The following MAST2 variants were observed in gnomAD, a reference collection of about 807,000 sequenced individuals.
MAST2 encodes microtubule associated serine/threonine kinase 2.
Under a neutral mutation model 147.4 loss-of-function variants are expected in MAST2, and 70 were observed. That is an observed-to-expected ratio of 0.47 (90% confidence interval 0.39 to 0.58). The LOEUF (loss-of-function observed/expected upper bound fraction) is 0.58. Ranked by LOEUF, MAST2 falls within the 20% of genes least tolerant of loss-of-function variation. The pLI, the probability that MAST2 is intolerant of heterozygous loss-of-function variation, is 0.00. For synonymous variants in MAST2, 869 were observed against 896.8 expected, an observed-to-expected ratio of 0.97 and a Z score of 0.55; for missense variants, 2,080 against 2,302.3, an observed-to-expected ratio of 0.90 and a Z score of 1.98.
chr1:45,838,160 A>G (rs1645161567), intron 3 of MAST2, among the ~76,000 whole-genome samples: 1 of 150,626 alleles, frequency 6.6e-6, no homozygotes, highest in Non-Finnish European at 1.5e-5. Context: ...CATTTCTCTA[A>G]TGACTAATGA....
At chr1:45,863,481 T>A (rs1490607054) in intron 3 of MAST2, among the ~76,000 whole-genome samples, 2 of 152,236 alleles carry the variant, frequency 1.3e-5, no homozygotes, top group African/African-American at 4.8e-5. Context: ...CCACACTGGT[T>A]ATGCTAAGGA....
At chr1:45,885,064 A>G (rs1370041709) in intron 4 of MAST2, among the ~76,000 whole-genome samples, 1 of 152,186 alleles carries the variant, frequency 6.6e-6, no homozygotes, top group Admixed American at 6.5e-5. Context: ...AATTACTACA[A>G]AATTTGTTGT....
At position 46,004,706 on chromosome 1, in the gene MAST2, T is replaced by C. The variant is rs1471204297; in HGVS notation, c.748-1535T>C. ...ATGTGCACTGTTAGCAAAAAAGAAA[T>C]GCTGATTTCTCACTTGTTTATTGAG... On this transcript the variant is annotated intron_variant, in intron 7 of 28. Coordinates refer to ENST00000361297, the MANE Select transcript of MAST2 (RefSeq NM_015112.3). Among the ~76,000 whole-genome samples, 3 of 152,242 alleles carry C rather than the reference T, an allele frequency of 2.0e-5. No individual in the cohort carries two copies. The East Asian group carries it at 5.8e-4, about 29-fold the overall frequency.
chr1:46,023,478 T>C lies in MAST2; in HGVS notation c.1571+160T>C, dbSNP rs1571250254. 1.5e-6 allele frequency: 1 copy of C among 667,448 alleles called. No individual in the cohort carries two copies. The highest frequency in any genetic ancestry group is 2.6e-6 in the Non-Finnish European group (1 of 377,606). 41.3% of individuals were successfully genotyped at this position (667,448 alleles called of 1,614,324 possible). A position where few individuals can be genotyped will look rare whatever the true frequency, so the allele number is the denominator to read the frequency against. On this transcript the variant is annotated intron_variant, in intron 14 of 28. Transcript: ENST00000361297. The surrounding 1 kb of genome is among the most constrained non-coding windows in gnomAD (Gnocchi z 4.9). ...GGGTGGGCAGGAGTTCAGATTCCTC[T>C]GACATCCGATCATTGTTCCTTTCCC...
At chr1:45,964,016 G>A (rs1309694674) in intron 5 of MAST2, among the ~76,000 whole-genome samples, 15 of 152,254 alleles carry the variant, frequency 9.9e-5, no homozygotes, top group African/African-American at 2.9e-4. Flanking sequence ...GCTGGATTAC[G>A]TTTATTGATT....
chr1:45,912,932 C>T (rs964066264), intron 4 of MAST2, among the ~76,000 whole-genome samples: 3 of 152,140 alleles, frequency 2.0e-5, no homozygotes, highest in African/African-American at 7.2e-5. Context: ...TATTAGGTAC[C>T]TTAATGATCT....
chr1:45,897,041 A>G (rs1389452529), intron 4 of MAST2, among the ~76,000 whole-genome samples: 1 of 152,140 alleles, frequency 6.6e-6, no homozygotes, highest in African/African-American at 2.4e-5. Flanking sequence ...CATAACATTG[A>G]ATTTTCCTCA....
intron 5 of MAST2, among the ~76,000 whole-genome samples, chr1:45,977,393 C>T (rs1341338524): frequency 1.3e-5 from 2 of 152,062 alleles, no homozygotes; most frequent in Non-Finnish European, 2.9e-5. Context: ...GAGGCTGAGG[C>T]AGGAGAATGG....
intron 4 of MAST2, among the ~76,000 whole-genome samples, chr1:45,924,316 T>C (rs141801317): frequency 3.9e-5 from 6 of 152,370 alleles, no homozygotes; most frequent in South Asian, 2.1e-4. Flanking sequence ...TGAACCTCCA[T>C]TCTGCAACAT....
intron 3 of MAST2, among the ~76,000 whole-genome samples, chr1:45,876,185 T>G (rs1360537135): frequency 6.6e-6 from 1 of 152,224 alleles, no homozygotes; most frequent in Non-Finnish European, 1.5e-5. Context: ...ATTGGCAGTG[T>G]GCCAAGAATG....
At chr1:46,005,715 A>T (rs1218210840) in intron 7 of MAST2, among the ~76,000 whole-genome samples, 3 of 152,210 alleles carry the variant, frequency 2.0e-5, no homozygotes, top group Non-Finnish European at 4.4e-5. Flanking sequence ...ACATCAGGCC[A>T]TAGTTGGTCT....
chr1:46,031,604 T>C lies in MAST2; in HGVS notation c.3187+19T>C. ...CCTTCGGGTGAGGCCCCTGGGGAGCTGGGATAAAACTCACAGGAAGGGCCT... is the reference window on the plus strand; with the variant it reads ...CCTTCGGGTGAGGCCCCTGGGGAGCCGGGATAAAACTCACAGGAAGGGCCT... On this transcript the variant is annotated intron_variant, in intron 24 of 28. Transcript: ENST00000361297. This position sits in a 1 kb window ranked among gnomAD's most constrained non-coding sequence, Gnocchi z 4.1. 6.2e-7 allele frequency: 1 copy of C among 1,602,166 alleles called. No homozygotes were observed. Among genetic ancestry groups the C allele is most frequent in the Non-Finnish European group, 8.5e-7 (1 of 1,171,356 alleles).
At chr1:45,833,400 T>TTC (rs1553207066) in intron 3 of MAST2, among the ~76,000 whole-genome samples, 9 of 151,362 alleles carry the variant, frequency 5.9e-5, no homozygotes, top group African/African-American at 1.9e-4. Context: ...CTTCTTCTTC[T>TTC]TAAAAAAAAA....
intron 1 of MAST2, among the ~76,000 whole-genome samples, chr1:45,812,021 T>C (rs11211193): frequency 0.8 from 120,952 of 151,868 alleles, 48,630 homozygotes; most frequent in East Asian, 0.98. Context: ...CTGCCCGCCT[T>C]GGCCTCCCAA....
At chr1:46,010,972 C>T (rs776953422) in intron 10 of MAST2, 33 bp downstream of exon 10, 5 of 1,567,158 alleles carry the variant, frequency 3.2e-6, no homozygotes, top group Non-Finnish European at 4.4e-6. Flanking sequence ...TCTGAAAAAA[C>T]CTCCACCTGG....
intron 18 of MAST2, 33 bp downstream of exon 18, chr1:46,028,966 C>T (rs367619911): frequency 1.3e-6 from 2 of 1,528,212 alleles, no homozygotes; most frequent in Non-Finnish European, 1.8e-6. Flanking sequence ...AGTGGGGAAA[C>T]AGAGTCTGAA....
intron 5 of MAST2, among the ~76,000 whole-genome samples, chr1:45,996,657 T>C (rs755281805): frequency 1.3e-5 from 2 of 152,104 alleles, no homozygotes; most frequent in Non-Finnish European, 2.9e-5. Context: ...CATTATATAA[T>C]TGATACAGAG....
At chr1:45,883,224 T>C (rs1179346859) in intron 4 of MAST2, among the ~76,000 whole-genome samples, 1 of 152,094 alleles carries the variant, frequency 6.6e-6, no homozygotes, top group Non-Finnish European at 1.5e-5. Flanking sequence ...AAGGAGGAGA[T>C]CACAACAGCA....
At chr1:45,878,389 G>C (rs538576015) in intron 3 of MAST2, among the ~76,000 whole-genome samples, 1 of 152,144 alleles carries the variant, frequency 6.6e-6, no homozygotes, top group African/African-American at 2.4e-5. Flanking sequence ...GAACAAATTA[G>C]GAATAGAAGA....
Sources: gnomAD v4.1 joint callset for allele counts (sites outside exome capture counted in the v4.1 genomes callset) on GRCh38, gnomAD v4.1.1 for gene constraint, Gnocchi (gnomAD v3.1) non-coding constraint, MANE v1.5 for transcripts, NCBI Gene and HGNC (gene_info 2026-07-23, HGNC 2026-07-21) for gene names.